Variants in DPP6 observed in about 807,000 individuals in gnomAD.
The protein encoded by DPP6 is A-type potassium channel modulatory protein DPP6.
DPP6 carries 69 observed loss-of-function variants against 122.6 expected under a neutral mutation model. The observed-to-expected ratio is 0.56, with a 90% CI of 0.46 to 0.69. The LOEUF is 0.69. Ranked by LOEUF, DPP6 falls within the 30% of genes least tolerant of loss-of-function variation. DPP6 has a pLI of 0.00. For missense variants in DPP6, 928 were observed against 1,116.9 expected, an observed-to-expected ratio of 0.83 and a Z score of 2.41; for synonymous variants, 418 against 433.1, an observed-to-expected ratio of 0.97 and a Z score of 0.43.
chr7:154,891,581 C>A (rs952744407), intron 25 of DPP6, among the ~76,000 whole-genome samples: 1 of 152,118 alleles, frequency 6.6e-6, no homozygotes, highest in Non-Finnish European at 1.5e-5. Flanking sequence ...CAGGACAGCA[C>A]GCAGCCCTTC....
At chr7:154,501,829 C>A (rs1825276234) in intron 3 of DPP6, among the ~76,000 whole-genome samples, 1 of 152,078 alleles carries the variant, frequency 6.6e-6, no homozygotes, top group Non-Finnish European at 1.5e-5. Flanking sequence ...TTCTCCAGAC[C>A]CCAGAATGGT....
At chr7:154,005,905 G>A (rs1422198582) in intron 1 of DPP6, among the ~76,000 whole-genome samples, 2 of 152,114 alleles carry the variant, frequency 1.3e-5, no homozygotes, top group African/African-American at 4.8e-5. Context: ...ATTCCCCATG[G>A]CCACTCAGCC....
At chr7:154,496,019 C>A (rs1456663933) in intron 3 of DPP6, among the ~76,000 whole-genome samples, 1 of 152,222 alleles carries the variant, frequency 6.6e-6, no homozygotes, top group African/African-American at 2.4e-5. Context: ...ATAGGGAATA[C>A]CTCATCCAGT....
chr7:154,555,779 TAAG>T (rs1361673638), intron 4 of DPP6, among the ~76,000 whole-genome samples: 1 of 151,772 alleles, frequency 6.6e-6, no homozygotes, highest in Non-Finnish European at 1.5e-5. Context: ...CCATTCACAA[TAAG>T]AACAAAAATA....
intron 1 of DPP6, chr7:154,305,628 GAC>G: frequency 6.6e-7 from 1 of 1,517,372 alleles, no homozygotes; most frequent in Middle Eastern, 1.7e-4. Context: ...GCATGAGAGA[GAC>G]AGAGACAGAG....
At chr7:154,066,414 A>G (rs1034137282) in intron 1 of DPP6, among the ~76,000 whole-genome samples, 4 of 152,156 alleles carry the variant, frequency 2.6e-5, no homozygotes, top group African/African-American at 9.7e-5. Context: ...GTCCCTACTG[A>G]ACAGAGCCCT....
chr7:153,818,496 C>G, the DPP6 span, among the ~76,000 whole-genome samples: 1 of 152,132 alleles, frequency 6.6e-6, no homozygotes, highest in Non-Finnish European at 1.5e-5. Context: ...TTATAGACTA[C>G]TACCCAGTGG....
chr7:153,777,274 G>A, the DPP6 span, among the ~76,000 whole-genome samples: 11 of 152,170 alleles, frequency 7.2e-5, no homozygotes, highest in African/African-American at 2.6e-4. Flanking sequence ...CAGAGCAACT[G>A]GATTTCTTTA....
intron 5 of DPP6, among the ~76,000 whole-genome samples, chr7:154,594,918 G>A (rs1355394203): frequency 1.3e-5 from 2 of 152,134 alleles, no homozygotes; most frequent in Non-Finnish European, 2.9e-5. Context: ...TTCTGACCTG[G>A]CTCCCAGACC....
chr7:154,440,108 C>T (rs1214308703), intron 1 of DPP6, among the ~76,000 whole-genome samples: 7 of 152,084 alleles, frequency 4.6e-5, no homozygotes, highest in Middle Eastern at 3.2e-3. Context: ...TGCCAGTCCT[C>T]GAAAGTTGGG....
intron 8 of DPP6, among the ~76,000 whole-genome samples, chr7:154,752,993 G>T (rs1282167623): frequency 6.6e-6 from 1 of 152,102 alleles, no homozygotes; most frequent in Non-Finnish European, 1.5e-5. Flanking sequence ...CTCCTGCTGG[G>T]GTTGTGTTTC....
the DPP6 span, among the ~76,000 whole-genome samples, chr7:153,840,369 T>C: frequency 6.6e-6 from 1 of 152,186 alleles, no homozygotes; most frequent in Non-Finnish European, 1.5e-5. Flanking sequence ...ATGTAATTTC[T>C]AGTAAAAATT....
chr7:154,131,352 C>T (rs890006878), intron 1 of DPP6, among the ~76,000 whole-genome samples: 3 of 152,156 alleles, frequency 2.0e-5, no homozygotes, highest in Admixed American at 6.5e-5. Flanking sequence ...ATGCTGGACC[C>T]GTGTTGGGAA....
intron 3 of DPP6, among the ~76,000 whole-genome samples, chr7:154,510,936 GCACACA>G (rs3056506): frequency 0.089 from 12,892 of 144,986 alleles, 555 homozygotes; most frequent in South Asian, 0.1. Flanking sequence ...ACACACACAT[GCACACA>G]CACACACACA....
chr7:154,608,319 T>TTATATATATATATATATATATATATA lies in DPP6; in HGVS notation c.628-29502_628-29501insTATATATATATATATATATATATATA, dbSNP rs1563922092. ...CCATGCTTGCATTTTTTAGGAGTGA[T>TTATATATATATATATATATATATATA]CATATATATATATATATATATATTT... On this transcript the variant is annotated intron_variant, in intron 5 of 25. Transcript: ENST00000377770. Among the ~76,000 whole-genome samples the TTATATATATATATATATATATATATA allele has an allele frequency of 3.2e-4, 26 of 81,356 alleles. 1 individual carries two copies. In the Admixed American group the frequency reaches 3.4e-3, roughly 11 times the overall value. 53.4% of individuals were successfully genotyped at this position (81,356 alleles called of 152,430 possible).
intron 1 of DPP6, among the ~76,000 whole-genome samples, chr7:153,953,270 G>A (rs1363802684): frequency 6.6e-6 from 1 of 151,996 alleles, no homozygotes; most frequent in Non-Finnish European, 1.5e-5. Context: ...AATTAAATAA[G>A]GGTTGGTATT....
chr7:153,808,278 C>T, the DPP6 span, among the ~76,000 whole-genome samples: 2 of 134,528 alleles, frequency 1.5e-5, no homozygotes, highest in East Asian at 2.4e-4. Context: ...TGTGTGCGCA[C>T]GTGTGTGCCT....
At chr7:154,351,215 T>C (rs1278927479) in intron 1 of DPP6, among the ~76,000 whole-genome samples, 6 of 152,160 alleles carry the variant, frequency 3.9e-5, no homozygotes, top group African/African-American at 1.4e-4. Flanking sequence ...TTGGTTTTAT[T>C]AATTTTATGA....
At chr7:153,917,726 C>A (rs142572604) in intron 1 of DPP6, among the ~76,000 whole-genome samples, 74 of 152,206 alleles carry the variant, frequency 4.9e-4, no homozygotes, top group African/African-American at 1.7e-3. Flanking sequence ...GTGTGACATG[C>A]GAAGGGTGGA....
Sources: allele counts gnomAD v4.1 joint callset (sites outside exome capture counted in the v4.1 genomes callset), GRCh38; gene constraint gnomAD v4.1.1; transcripts MANE v1.5; gene names NCBI Gene and HGNC (gene_info 2026-07-23, HGNC 2026-07-21).